PATJ: variants seen among roughly 807,000 people sequenced by gnomAD.
PATJ encodes PATJ crumbs cell polarity complex component, also known as inaD-like protein.
Under a neutral mutation model 224.9 loss-of-function variants are expected in PATJ, and 190 were observed. The observed-to-expected ratio is 0.84, with a 90% CI of 0.75 to 0.95. The LOEUF (loss-of-function observed/expected upper bound fraction) is 0.95, where lower values mean the gene tolerates loss of function less well. Among genes scored for constraint, PATJ ranks in the 40% least tolerant of loss-of-function variants. The pLI is 0.00. For synonymous variants in PATJ, 769 were observed against 820.3 expected, an observed-to-expected ratio of 0.94 and a Z score of 1.07; for missense variants, 2,121 against 2,270.3, an observed-to-expected ratio of 0.93 and a Z score of 1.34.
chr1:61,854,496 A>G (rs1663332024), intron 17 of PATJ, among the ~76,000 whole-genome samples: 1 of 152,188 alleles, frequency 6.6e-6, no homozygotes, highest in Admixed American at 6.6e-5. Context: ...TTTCTTCTCA[A>G]TTTACAACTC....
chr1:61,898,428 G>A (rs963884802), intron 22 of PATJ, among the ~76,000 whole-genome samples: 5 of 151,472 alleles, frequency 3.3e-5, no homozygotes, highest in African/African-American at 2.4e-5. Flanking sequence ...TTTAGAGATG[G>A]GGTCTCACCA....
At chr1:61,903,426 G>T (rs1671459171) in intron 24 of PATJ, among the ~76,000 whole-genome samples, 3 of 152,198 alleles carry the variant, frequency 2.0e-5, no homozygotes. Flanking sequence ...GAACAGATTT[G>T]GGGAGACATG....
Position 61,864,256 on chromosome 1 carries a change from T to C in PATJ, c.2458T>C (p.Tyr820His). The change falls in exon 20 of 44, where the codon TAT (tyrosine) becomes CAT (histidine). Residue 820 changes from tyrosine (Y) to histidine (H), a missense_variant. Coordinates refer to ENST00000642238, the MANE Select transcript of PATJ (RefSeq NM_001350145.3). ...EAPKGFRDEPYFKEELVDEPF... is the reference protein window; with the variant it reads ...EAPKGFRDEPHFKEELVDEPF... The stretch of plus-strand genomic sequence containing the variant: ...TTTATAGGGATTTAGAGATGAACCA[T>C]ATTTTAAAGAAGAACTTGTGGATGA... 6.2e-7 allele frequency: 1 copy of C among 1,609,162 alleles called. No individual in the cohort carries two copies. Among genetic ancestry groups the C allele is most frequent in the Non-Finnish European group, 8.5e-7 (1 of 1,178,076 alleles).
intron 16 of PATJ, chr1:61,833,416 T>C (rs1205623161): frequency 3.1e-6 from 1 of 321,622 alleles, no homozygotes; most frequent in Non-Finnish European, 5.6e-6. Flanking sequence ...ATTCTTCACA[T>C]TAATAAAAAA....
intron 18 of PATJ, among the ~76,000 whole-genome samples, chr1:61,856,927 A>T (rs997345036): frequency 6.6e-6 from 1 of 152,162 alleles, no homozygotes; most frequent in Non-Finnish European, 1.5e-5. Flanking sequence ...TATCCATTTT[A>T]ACTTTCATTT....
chr1:61,828,183 C>T (rs1450279667), intron 16 of PATJ, among the ~76,000 whole-genome samples: 9 of 149,370 alleles, frequency 6.0e-5, no homozygotes, highest in African/African-American at 1.7e-4. Flanking sequence ...GCGGAGGTTA[C>T]GGTGAGCTGA....
chr1:61,917,572 ATTTGT>A (rs1485418442), intron 26 of PATJ, among the ~76,000 whole-genome samples: 2 of 152,024 alleles, frequency 1.3e-5, no homozygotes, highest in Admixed American at 6.5e-5. Context: ...AATGCAATTT[ATTTGT>A]TTTGTTTTGT....
chr1:62,087,871 G>A (rs186964322), intron 33 of PATJ, among the ~76,000 whole-genome samples: 5 of 151,014 alleles, frequency 3.3e-5, no homozygotes, highest in East Asian at 1.9e-4. Flanking sequence ...TCTTCTAATC[G>A]TATTTTTAAT....
At chr1:62,159,800 T>G (rs1669671834) in intron 43 of PATJ, among the ~76,000 whole-genome samples, 1 of 149,094 alleles carries the variant, frequency 6.7e-6, no homozygotes. Context: ...CGCCTGAGAT[T>G]CCCAAAGTGC....
At chr1:62,117,721 CATCTT>C (rs1301684852) in intron 37 of PATJ, among the ~76,000 whole-genome samples, 13 of 152,110 alleles carry the variant, frequency 8.5e-5, no homozygotes, top group African/African-American at 2.4e-4. Flanking sequence ...GGTTAGCAAA[CATCTT>C]ATATTTATTT....
At chr1:61,934,949 C>G (rs1676623073) in intron 27 of PATJ, among the ~76,000 whole-genome samples, 1 of 152,178 alleles carries the variant, frequency 6.6e-6, no homozygotes, top group South Asian at 2.1e-4. Context: ...TCTCTTTCCC[C>G]ACATGCCATT....
intron 17 of PATJ, among the ~76,000 whole-genome samples, chr1:61,849,209 G>A (rs758572088): frequency 1.8e-4 from 28 of 152,246 alleles, no homozygotes; most frequent in African/African-American, 6.0e-4. Flanking sequence ...TTTCATCCTT[G>A]TGAAGGACCT....
At chr1:62,148,773 C>T (rs144918090) in intron 42 of PATJ, among the ~76,000 whole-genome samples, 2 of 152,192 alleles carry the variant, frequency 1.3e-5, no homozygotes, top group African/African-American at 4.8e-5. Flanking sequence ...TCATTAAAAC[C>T]AGTCATCGCA....
chr1:62,112,858 A>G (rs1570652523), intron 34 of PATJ, among the ~76,000 whole-genome samples: 1 of 152,300 alleles, frequency 6.6e-6, no homozygotes, highest in East Asian at 1.9e-4. Flanking sequence ...AACCCATTCT[A>G]AGAGTTAATG....
intron 22 of PATJ, among the ~76,000 whole-genome samples, chr1:61,892,764 TATCGCCCACCA>T (rs760269235): frequency 1.7e-5 from 1 of 60,606 alleles, no homozygotes; most frequent in Non-Finnish European, 4.8e-5. Flanking sequence ...CTATTGTCAA[TATCGCCCACCA>T]GGGTGGCACG....
intron 26 of PATJ, among the ~76,000 whole-genome samples, chr1:61,921,907 T>C (rs879781033): frequency 7.2e-5 from 11 of 152,308 alleles, no homozygotes; most frequent in Admixed American, 5.2e-4. Flanking sequence ...GTGTGCAGTT[T>C]TGTACATGTC....
chr1:61,790,413 TGTTA>T (rs1364963624), intron 8 of PATJ, among the ~76,000 whole-genome samples: 1 of 151,996 alleles, frequency 6.6e-6, no homozygotes, highest in Non-Finnish European at 1.5e-5. Context: ...CAATATCCTT[TGTTA>T]GTTCATAGTT....
chr1:61,773,805 CAAAAAAA>C (rs887787290), intron 6 of PATJ, among the ~76,000 whole-genome samples: 8 of 146,006 alleles, frequency 5.5e-5, no homozygotes, highest in African/African-American at 2.0e-4. Flanking sequence ...AAACAAAAAA[CAAAAAAA>C]AACACCCCAC....
At position 61,819,794 on chromosome 1, in the gene PATJ, T is replaced by C. The variant is rs779103009; in HGVS notation, c.1684-3151T>C. 5.3e-5 allele frequency among the ~76,000 whole-genome samples: 8 copies of C among 152,164 alleles called. 1 individual carries two copies. The highest frequency in any genetic ancestry group is 1.2e-4 in the Non-Finnish European group (8 of 68,024). Reference sequence around the variant, plus strand: ...AGGCTTCTCTGTAGGAGTAAGACTGTTTAATCACTTGTCCCACCTGCATTT... The same window carrying C: ...AGGCTTCTCTGTAGGAGTAAGACTGCTTAATCACTTGTCCCACCTGCATTT... On this transcript the variant is annotated intron_variant, in intron 14 of 43. Coordinates refer to ENST00000642238, the MANE Select transcript of PATJ (RefSeq NM_001350145.3).
Sources: gnomAD v4.1 joint callset for allele counts (sites outside exome capture counted in the v4.1 genomes callset) on GRCh38, gnomAD v4.1.1 for gene constraint, MANE v1.5 for transcripts, NCBI Gene and HGNC (gene_info 2026-07-23, HGNC 2026-07-21) for gene names.